The following TAS2R16 variants were observed in gnomAD, a reference collection of about 807,000 sequenced individuals.
The protein encoded by TAS2R16 is taste receptor type 2 member 16.
In TAS2R16, 5 loss-of-function variants were observed where a neutral mutation model predicts 5.0. That is an observed-to-expected ratio of 1.00 (90% confidence interval 0.52 to 2.11). TAS2R16 has a LOEUF of 2.11. Among genes scored for constraint, TAS2R16 ranks in the 30% most tolerant of loss-of-function variants. TAS2R16 has a pLI of 0.01. For missense variants in TAS2R16, 363 were observed against 341.3 expected (o/e 1.06, Z -0.50); for synonymous variants, 142 against 123.3 (o/e 1.15, Z -1.00).
At position 122,995,653 on chromosome 7, in the gene TAS2R16, C is replaced by A; in HGVS notation, c.-19G>T. On this transcript the variant is annotated 5_prime_UTR_variant, in exon 1 of 1. Coordinates refer to ENST00000249284, the MANE Select transcript of TAS2R16 (RefSeq NM_016945.3). Reference sequence around the variant, plus strand: ...GTATCATTCTTCTACTCCAAAGTGTCTTCCTGGACAAAGACTCTGAATCTC... The same window carrying A: ...GTATCATTCTTCTACTCCAAAGTGTATTCCTGGACAAAGACTCTGAATCTC... 6.6e-7 allele frequency: 1 copy of A among 1,519,278 alleles called. No homozygotes were observed. Among genetic ancestry groups the A allele is most frequent in the Non-Finnish European group, 8.8e-7 (1 of 1,136,046 alleles). The allele number at this position is 1,519,278 out of a possible 1,614,324, so 94.1% of individuals were successfully genotyped here.
rs28371576 is a variant in TAS2R16 at position 122,995,154 on chromosome 7, G to T, written c.481C>A (p.Pro161Thr). 8 of 1,613,710 alleles carry T rather than the reference G, an allele frequency of 5.0e-6. No homozygotes were observed. Among genetic ancestry groups the T allele is most frequent in the Non-Finnish European group, 6.8e-6 (8 of 1,179,872 alleles). ...QIQLLTMEHL[P>T]RNSTVTDKLE... ...TTGTCAGTTACAGTGCTGTTTCTTG[G>T]TAGATGCTCCATGGTGAGTAACTGA... Residue 161 changes from proline (P) to threonine (T), a missense_variant, in exon 1 of 1, where the codon CCA becomes ACA. Physicochemically the swap from Pro to Thr is conservative, Grantham distance 38. Transcript: ENST00000249284.
Position 122,995,338 on chromosome 7 carries a change from A to G in TAS2R16, c.297T>C (p.Leu99=), listed in dbSNP as rs1825956345. Residue 99 remains leucine (L), a synonymous_variant, in exon 1 of 1, where the codon CTT becomes CTC. Coordinates refer to ENST00000249284, the MANE Select transcript of TAS2R16 (RefSeq NM_016945.3). ...NILTFWLNSL[L]TVFYCIKVSS... is the part of the protein sequence containing the mutation. ...AGACCTTGATGCAGTAGAACACGGT[A>G]AGCAAGCTGTTTAACCAGAATGTAA... is the stretch of plus-strand genomic sequence containing the variant. The G allele has an allele frequency of 1.2e-6, 2 of 1,613,750 alleles. No homozygotes were observed. Among genetic ancestry groups the G allele is most frequent in the Non-Finnish European group, 1.7e-6 (2 of 1,179,874 alleles).
Position 122,995,220 on chromosome 7 carries a change from C to T in TAS2R16, c.415G>A (p.Val139Ile). The T allele has an allele frequency of 6.2e-7, 1 of 1,613,698 alleles. No homozygotes were observed. Among genetic ancestry groups the T allele is most frequent in the South Asian group, 1.1e-5 (1 of 91,064 alleles). Reference sequence around the variant, plus strand: ...CCAATAGCTGAAGGGATGATTGTTACACAAGTAATCATCAGAGAACCCAGT... The same window carrying T: ...CCAATAGCTGAAGGGATGATTGTTATACAAGTAATCATCAGAGAACCCAGT... ...ILLGSLMITC[V>I]TIIPSAIGNY... Residue 139 changes from valine to isoleucine, a missense_variant, in exon 1 of 1, where the codon GTA becomes ATA. Physicochemically the swap from Val to Ile is conservative, Grantham distance 29 (BLOSUM62 3). Transcript: ENST00000249284.
rs1447586156 is a variant in TAS2R16 at position 122,994,925 on chromosome 7, G to A, written c.710C>T (p.Thr237Ile). Residue 237 changes from threonine to isoleucine, a missense_variant, in exon 1 of 1, where the codon ACC becomes ATC. Physicochemically the swap from Thr to Ile is moderately conservative, Grantham distance 89. Coordinates refer to ENST00000249284, the MANE Select transcript of TAS2R16 (RefSeq NM_016945.3). ...GATGAGTATGGTTAGAAAGTAAGAG[G>A]TAAACACAATAAATAAGACGGCAAG... ...RSLAVLFIVF[T>I]SYFLTILITI... 1 of 1,613,504 alleles carries A rather than the reference G, an allele frequency of 6.2e-7. No homozygotes were observed. The highest frequency in any genetic ancestry group is 1.3e-5 in the African/African-American group (1 of 74,872).
At position 122,994,939 on chromosome 7, in the gene TAS2R16, T is replaced by C; in HGVS notation, c.696A>G (p.Leu232=). 1.2e-6 allele frequency: 2 copies of C among 1,613,594 alleles called. No homozygotes were observed. Among genetic ancestry groups the C allele is most frequent in the Non-Finnish European group, 8.5e-7 (1 of 1,179,760 alleles). Residue 232 remains leucine (L), a synonymous_variant, in exon 1 of 1, where the codon TTA becomes TTG. Coordinates refer to ENST00000249284, the MANE Select transcript of TAS2R16 (RefSeq NM_016945.3). ...GAAAGTAAGAGGTAAACACAATAAA[T>C]AAGACGGCAAGGGACCTCAGGGCAG... ...RFTALRSLAV[L]FIVFTSYFLT...
chr7:122,995,331 A>C lies in TAS2R16; in HGVS notation c.304T>G (p.Phe102Val). The C allele has an allele frequency of 6.2e-7, 1 of 1,613,732 alleles. No individual in the cohort carries two copies. The highest frequency in any genetic ancestry group is 8.5e-7 in the Non-Finnish European group (1 of 1,179,880). Residue 102 changes from phenylalanine (F) to valine (V), a missense_variant, in exon 1 of 1, where the codon TTC (phenylalanine) becomes GTC (valine). Transcript: ENST00000249284. ...TFWLNSLLTV[F>V]YCIKVSSFTH... is the part of the protein sequence containing the mutation. ...AAAGAAGAGACCTTGATGCAGTAGA[A>C]CACGGTAAGCAAGCTGTTTAACCAG...
At position 122,995,229 on chromosome 7, in the gene TAS2R16, T is replaced by A. The variant is rs757233148; in HGVS notation, c.406A>T (p.Ile136Phe). 6.2e-7 allele frequency: 1 copy of A among 1,613,628 alleles called. No homozygotes were observed. Among genetic ancestry groups the A allele is most frequent in the Non-Finnish European group, 8.5e-7 (1 of 1,179,878 alleles). ...GAAGGGATGATTGTTACACAAGTAA[T>A]CATCAGAGAACCCAGTAATATCCAG... ...FPWILLGSLM[I>F]TCVTIIPSAI... is the part of the protein sequence containing the mutation. Residue 136 changes from isoleucine to phenylalanine, a missense_variant, in exon 1 of 1, where the codon ATT becomes TTT. Coordinates refer to ENST00000249284, the MANE Select transcript of TAS2R16 (RefSeq NM_016945.3).
rs1228198894 is a variant in TAS2R16 at position 122,995,596 on chromosome 7, G to A, written c.39C>T (p.Ile13=). 4 of 1,579,286 alleles carry A rather than the reference G, an allele frequency of 2.5e-6. No homozygotes were observed. The East Asian group carries it at 6.8e-5, about 27-fold the overall frequency. ...TAATTGTCAAGGACTCAAGCACATA[G>A]ATGATCATGAAGAAGACAGTGAGTT... ...PIQLTVFFMI[I]YVLESLTIIV... is the part of the protein sequence containing the mutation. The change falls in exon 1 of 1, where the codon ATC becomes ATT. Residue 13 remains isoleucine (I), a synonymous_variant. Transcript: ENST00000249284.
Position 122,995,302 on chromosome 7 carries a change from G to A in TAS2R16, c.333C>T (p.Thr111=), listed in dbSNP as rs28371573. 1.2e-6 allele frequency: 2 copies of A among 1,613,654 alleles called. No homozygotes were observed. The highest frequency in any genetic ancestry group is 1.7e-5 in the Admixed American group (1 of 59,962). ...VFYCIKVSSF[T]HHIFLWLRWR... ...ACCTCAGCCAGAGAAAGATGTGATG[G>A]GTGAAAGAAGAGACCTTGATGCAGT... The change falls in exon 1 of 1, where the codon ACC becomes ACT. Residue 111 remains threonine, a synonymous_variant. Coordinates refer to ENST00000249284, the MANE Select transcript of TAS2R16 (RefSeq NM_016945.3).
Position 122,995,023 on chromosome 7 carries a change from G to C in TAS2R16, c.612C>G (p.Thr204=). The part of the protein sequence containing the change: ...ASTIFLMASL[T]KQIQHHSTGH... ...CAGTGCTATGATGTTGTATCTGCTT[G>C]GTCAGTGATGCCATGAGAAAGATGG... The change falls in exon 1 of 1, where the codon ACC becomes ACG. Residue 204 remains threonine (T), a synonymous_variant. Coordinates refer to ENST00000249284, the MANE Select transcript of TAS2R16 (RefSeq NM_016945.3). 1.2e-6 allele frequency: 2 copies of C among 1,613,852 alleles called. No individual in the cohort carries two copies. The highest frequency in any genetic ancestry group is 1.7e-6 in the Non-Finnish European group (2 of 1,179,888).
Position 122,995,065 on chromosome 7 carries a change from G to A in TAS2R16, c.570C>T (p.Ile190=). ...AHTVALVIPF[I]LFLASTIFLM... ...GAAAGATGGTGGAGGCCAGGAACAG[G>A]ATGAAAGGAATAACCAATGCAACTG... Residue 190 remains isoleucine, a synonymous_variant, in exon 1 of 1, where the codon ATC becomes ATT. Coordinates refer to ENST00000249284, the MANE Select transcript of TAS2R16 (RefSeq NM_016945.3). 6.2e-7 allele frequency: 1 copy of A among 1,613,888 alleles called. No homozygotes were observed. Among genetic ancestry groups the A allele is most frequent in the Non-Finnish European group, 8.5e-7 (1 of 1,179,900 alleles).
rs767941225 is a variant in TAS2R16, at chr7:122,995,660, G to A, written c.-26C>T. 6.6e-7 allele frequency: 1 copy of A among 1,515,614 alleles called. No homozygotes were observed. The highest frequency in any genetic ancestry group is 1.8e-4 in the Middle Eastern group (1 of 5,598). The allele number at this position is 1,515,614 out of a possible 1,614,324, so 93.9% of individuals were successfully genotyped here. On this transcript the variant is annotated 5_prime_UTR_variant, in exon 1 of 1. Coordinates refer to ENST00000249284, the MANE Select transcript of TAS2R16 (RefSeq NM_016945.3). Reference sequence around the variant, plus strand: ...TCTTCTACTCCAAAGTGTCTTCCTGGACAAAGACTCTGAATCTCTGTACCA... The same window carrying A: ...TCTTCTACTCCAAAGTGTCTTCCTGAACAAAGACTCTGAATCTCTGTACCA...
chr7:122,995,168 G>A lies in TAS2R16; in HGVS notation c.467C>T (p.Thr156Ile), dbSNP rs371766721. ...IGNYIQIQLL[T>I]MEHLPRNSTV... ...GCTGTTTCTTGGTAGATGCTCCATG[G>A]TGAGTAACTGAATTTGAATGTAATT... is the stretch of plus-strand genomic sequence containing the variant. The change falls in exon 1 of 1, where the codon ACC becomes ATC. Residue 156 changes from threonine to isoleucine, a missense_variant. Thr to Ile is a moderately conservative substitution (Grantham distance 89). Transcript: ENST00000249284. 8.1e-6 allele frequency: 13 copies of A among 1,613,730 alleles called. No homozygotes were observed. The highest frequency in any genetic ancestry group is 5.0e-5 in the Admixed American group (3 of 59,970).
Position 122,995,617 on chromosome 7 carries a change from G to T in TAS2R16, c.18C>A (p.Leu6=). The change falls in exon 1 of 1, where the codon CTC becomes CTA. Residue 6 remains leucine (L), a synonymous_variant. Transcript: ENST00000249284. MIPIQ[L]TVFFMIIYVL... is the part of the protein sequence containing the mutation. ...CATAGATGATCATGAAGAAGACAGTGAGTTGGATGGGTATCATTCTTCTAC... is the reference window on the plus strand; with the variant it reads ...CATAGATGATCATGAAGAAGACAGTTAGTTGGATGGGTATCATTCTTCTAC... 1 of 1,555,928 alleles carries T rather than the reference G, an allele frequency of 6.4e-7. No homozygotes were observed. Among genetic ancestry groups the T allele is most frequent in the East Asian group, 2.3e-5 (1 of 44,220 alleles).
At chr7:122,995,528 C>CCAGCAAGTGCAACA in the TAS2R16 span, 1 of 1,613,672 alleles carries the variant, frequency 6.2e-7, no homozygotes, top group Admixed American at 1.7e-5. Context: ...GACTTGCAGC[C>CCAGCAAGTGCAACA]ATTCTCTGCC....
In TAS2R16 at chr7:122,995,008, A is replaced by G. The variant is rs1236145649; in HGVS notation, c.627T>C (p.His209=). The G allele has an allele frequency of 6.2e-7, 1 of 1,613,738 alleles. No homozygotes were observed. The highest frequency in any genetic ancestry group is 8.5e-7 in the Non-Finnish European group (1 of 1,179,888). Residue 209 remains histidine, a synonymous_variant, in exon 1 of 1, where the codon CAT becomes CAC. Coordinates refer to ENST00000249284, the MANE Select transcript of TAS2R16 (RefSeq NM_016945.3). ...LMASLTKQIQ[H]HSTGHCNPSM... Reference sequence around the variant, plus strand: ...TTGGATTGCAGTGACCAGTGCTATGATGTTGTATCTGCTTGGTCAGTGATG... The same window carrying G: ...TTGGATTGCAGTGACCAGTGCTATGGTGTTGTATCTGCTTGGTCAGTGATG...
rs1301231210 is a variant in TAS2R16 at position 122,995,579 on chromosome 7, A to C, written c.56T>G (p.Leu19Trp). 1.3e-6 allele frequency: 2 copies of C among 1,599,318 alleles called. No homozygotes were observed. The highest frequency in any genetic ancestry group is 1.3e-5 in the African/African-American group (1 of 74,152). Reference protein sequence around the residue: ...FFMIIYVLESLTIIVQSSLIV... With the variant: ...FFMIIYVLESWTIIVQSSLIV... ...TAGGCTGCTCTGCACAATAATTGTC[A>C]AGGACTCAAGCACATAGATGATCAT... The change falls in exon 1 of 1, where the codon TTG (leucine) becomes TGG (tryptophan). Residue 19 changes from leucine (L) to tryptophan (W), a missense_variant. Transcript: ENST00000249284.
At position 122,994,764 on chromosome 7, in the gene TAS2R16, ACTTTCC is replaced by A; in HGVS notation, c.865_870del (p.Gly289_Lys290del). 1 of 1,565,670 alleles carries A rather than the reference ACTTTCC, an allele frequency of 6.4e-7. No homozygotes were observed. Among genetic ancestry groups the A allele is most frequent in the Non-Finnish European group, 8.6e-7 (1 of 1,160,044 alleles). The stretch of plus-strand genomic sequence containing the variant: ...GCCTCAGGCAACCTCTAGGCCTAGC[ACTTTCC>A]CTTTAGAATCCTTTTCAACGTAGGG... On this transcript the variant is annotated inframe_deletion, in exon 1 of 1. Coordinates refer to ENST00000249284, the MANE Select transcript of TAS2R16 (RefSeq NM_016945.3).
chr7:122,995,060 A>G lies in TAS2R16; in HGVS notation c.575T>C (p.Phe192Ser), dbSNP rs1825950391. 1 of 1,613,790 alleles carries G rather than the reference A, an allele frequency of 6.2e-7. No homozygotes were observed. The highest frequency in any genetic ancestry group is 1.7e-5 in the Admixed American group (1 of 59,960). The change falls in exon 1 of 1, where the codon TTC becomes TCC. Residue 192 changes from phenylalanine to serine, a missense_variant. Phe to Ser is a radical substitution (Grantham distance 155). Transcript: ENST00000249284. The part of the protein sequence containing the change: ...TVALVIPFIL[F>S]LASTIFLMAS... ...CATGAGAAAGATGGTGGAGGCCAGG[A>G]ACAGGATGAAAGGAATAACCAATGC... is the stretch of plus-strand genomic sequence containing the variant.
Sources: allele counts gnomAD v4.1 joint callset, GRCh38; gene constraint gnomAD v4.1.1; transcripts MANE v1.5; gene names NCBI Gene and HGNC (gene_info 2026-07-23, HGNC 2026-07-21).